The following LRRK2 variants were observed in gnomAD, a reference collection of about 807,000 sequenced individuals.
The protein encoded by LRRK2 is leucine rich repeat kinase 2.
In LRRK2, 203 loss-of-function variants were observed where a neutral mutation model predicts 302.6. The ratio of observed to expected loss-of-function variants is 0.67; its 90% confidence interval spans 0.60 to 0.75. The LOEUF is 0.75. LRRK2 is among the 30% of genes least tolerant of loss of function. The pLI is 0.00. For missense variants in LRRK2, 2,830 were observed against 2,951.0 expected (o/e 0.96, Z 0.95); for synonymous variants, 1,066 against 1,031.9 (o/e 1.03, Z -0.63).
chr12:40,275,098 GA>G, intron 16 of LRRK2, 105 bp downstream of exon 16: 1 of 1,233,910 alleles, frequency 8.1e-7, no homozygotes, highest in Non-Finnish European at 1.2e-6. Flanking sequence ...CTAGTTAATG[GA>G]AAACCATTTA....
At chr12:40,234,466 T>C (rs796856097) in intron 3 of LRRK2, among the ~76,000 whole-genome samples, 60 of 146,318 alleles carry the variant, frequency 4.1e-4, no homozygotes, top group African/African-American at 1.5e-3. Context: ...GTAACCTCTG[T>C]GTCCCGGGTT....
intron 43 of LRRK2, among the ~76,000 whole-genome samples, chr12:40,348,766 G>A (rs1241617300): frequency 6.6e-6 from 1 of 151,814 alleles, no homozygotes; most frequent in Admixed American, 6.6e-5. Context: ...CCATTTTTCT[G>A]TTGACTCTTT....
At chr12:40,347,817 G>T (rs763113091) in intron 42 of LRRK2, among the ~76,000 whole-genome samples, 95 of 152,090 alleles carry the variant, frequency 6.2e-4, no homozygotes, top group Non-Finnish European at 1.1e-3. Flanking sequence ...ACAAAAAGTA[G>T]CTGGGCATGG....
At chr12:40,310,963 T>C (rs1011151294) in intron 31 of LRRK2, among the ~76,000 whole-genome samples, 1 of 152,176 alleles carries the variant, frequency 6.6e-6, no homozygotes, top group African/African-American at 2.4e-5. Flanking sequence ...CAACTTCTTA[T>C]AGTGGTGATT....
intron 25 of LRRK2, chr12:40,301,119 T>G (rs1407606832): frequency 3.9e-5 from 18 of 456,556 alleles, no homozygotes; most frequent in Middle Eastern, 3.3e-4. Context: ...CAGTTCAAAA[T>G]CTGTTTGCTT....
chr12:40,280,302 G>A (rs986196037), intron 18 of LRRK2, among the ~76,000 whole-genome samples: 5 of 151,688 alleles, frequency 3.3e-5, no homozygotes, highest in Non-Finnish European at 1.5e-5. Context: ...AAACCAACAA[G>A]CAAAAAACCA....
chr12:40,306,608 A>AT (rs1343656364), intron 28 of LRRK2, among the ~76,000 whole-genome samples: 2 of 152,134 alleles, frequency 1.3e-5, no homozygotes, highest in African/African-American at 4.8e-5. Flanking sequence ...CAGTTACTGT[A>AT]TTAACGTTGC....
intron 7 of LRRK2, among the ~76,000 whole-genome samples, chr12:40,245,759 A>G (rs2404580): frequency 0.48 from 72,457 of 151,740 alleles, 18,219 homozygotes; most frequent in South Asian, 0.62. Flanking sequence ...CATATTTTTG[A>G]ACTGTGTTTT....
intron 47 of LRRK2, among the ~76,000 whole-genome samples, chr12:40,359,793 G>A (rs755290627): frequency 3.3e-5 from 5 of 151,938 alleles, no homozygotes; most frequent in African/African-American, 4.8e-5. Context: ...CCAAATTCAC[G>A]GACTATACAT....
intron 13 of LRRK2, among the ~76,000 whole-genome samples, chr12:40,262,930 C>T (rs1942841054): frequency 6.6e-6 from 1 of 152,124 alleles, no homozygotes; most frequent in South Asian, 2.1e-4. Context: ...AAAATAAGGA[C>T]TGAAAGTTGG....
rs1047081542 is a variant in LRRK2, at chr12:40,269,527, A to G, written c.1657-5056A>G. Among the ~76,000 whole-genome samples the G allele has an allele frequency of 3.3e-5, 5 of 152,160 alleles. No homozygotes were observed. The East Asian group carries it at 7.7e-4, about 23-fold the overall frequency. Reference sequence around the variant, plus strand: ...AGAGTCCCCTCCTGACCTGCAACACATATGTAGCATGAGCAATAATGGAAC... The same window carrying G: ...AGAGTCCCCTCCTGACCTGCAACACGTATGTAGCATGAGCAATAATGGAAC... On this transcript the variant is annotated intron_variant, in intron 14 of 50. Transcript: ENST00000298910.
intron 25 of LRRK2, chr12:40,301,014 T>G: frequency 2.1e-6 from 1 of 466,236 alleles, no homozygotes; most frequent in South Asian, 1.5e-5. Flanking sequence ...GTATGACCTC[T>G]GCCCAATTGA....
intron 40 of LRRK2, among the ~76,000 whole-genome samples, chr12:40,339,593 G>A (rs2136952378): frequency 6.6e-6 from 1 of 152,160 alleles, no homozygotes; most frequent in East Asian, 1.9e-4. Context: ...TCTTTTCCAA[G>A]ACAAAATTGT....
chr12:40,351,584 C>A lies in LRRK2; in HGVS notation c.6427C>A (p.Arg2143Ser). 6.2e-7 allele frequency: 1 copy of A among 1,614,086 alleles called. No individual in the cohort carries two copies. Among genetic ancestry groups the A allele is most frequent in the Non-Finnish European group, 8.5e-7 (1 of 1,180,008 alleles). ...NSAELVCLTRRILLPKNVIVE... is the reference protein window; with the variant it reads ...NSAELVCLTRSILLPKNVIVE... The stretch of plus-strand genomic sequence containing the variant: ...AGCTGAATTAGTCTGTCTGACGAGA[C>A]GCATTTTATTACCTAAAAACGTAAT... The change falls in exon 44 of 51, where the codon CGC (arginine) becomes AGC (serine). Residue 2143 changes from arginine to serine, a missense_variant. This residue lies in a region of LRRK2 where 456 missense variants were observed against 456.3 expected (regional missense o/e 1.00). Coordinates refer to ENST00000298910, the MANE Select transcript of LRRK2 (RefSeq NM_198578.4).
intron 40 of LRRK2, among the ~76,000 whole-genome samples, chr12:40,336,042 A>T (rs1302350637): frequency 1.3e-5 from 2 of 152,114 alleles, no homozygotes; most frequent in East Asian, 1.9e-4. Flanking sequence ...CCTCTGTCTC[A>T]TGATAGTCCC....
At chr12:40,262,559 T>C (rs773606268) in intron 13 of LRRK2, among the ~76,000 whole-genome samples, 1 of 152,148 alleles carries the variant, frequency 6.6e-6, no homozygotes, top group Non-Finnish European at 1.5e-5. Context: ...GATGAGATTA[T>C]GGATACTGCT....
chr12:40,300,004 G>T (rs11175935), intron 25 of LRRK2, among the ~76,000 whole-genome samples: 21,892 of 152,078 alleles, frequency 0.14, 1,848 homozygotes, highest in Middle Eastern at 0.29. Context: ...GTACCCTGTG[G>T]TTCCCTTTAG....
At chr12:40,298,848 TATA>T (rs1371928216) in intron 24 of LRRK2, among the ~76,000 whole-genome samples, 4 of 123,926 alleles carry the variant, frequency 3.2e-5, no homozygotes, top group Admixed American at 9.2e-5. Context: ...ATTTATTATA[TATA>T]ATACCTATAT....
intron 7 of LRRK2, among the ~76,000 whole-genome samples, chr12:40,244,656 T>C (rs376474430): frequency 6.7e-6 from 1 of 149,540 alleles, no homozygotes. Flanking sequence ...TCATAGATTC[T>C]GGATAATAAT....
Sources: allele counts gnomAD v4.1 joint callset (sites outside exome capture counted in the v4.1 genomes callset), GRCh38; gene constraint gnomAD v4.1.1; regional missense constraint gnomAD v4.1.1; transcripts MANE v1.5; gene names NCBI Gene and HGNC (gene_info 2026-07-23, HGNC 2026-07-21).